The following ANKS1B variants were observed in gnomAD, a reference collection of about 807,000 sequenced individuals.
ANKS1B encodes the protein ankyrin repeat and sterile alpha motif domain-containing protein 1B.
In ANKS1B, 36 loss-of-function variants were observed where a neutral mutation model predicts 148.3. The observed-to-expected ratio is 0.24, with a 90% confidence interval of 0.19 to 0.32. The LOEUF (loss-of-function observed/expected upper bound fraction) is 0.32. Among genes scored for constraint, ANKS1B ranks in the 10% least tolerant of loss-of-function variants. The pLI, the probability that ANKS1B is intolerant of heterozygous loss-of-function variation, is 1.00. For synonymous variants in ANKS1B, 542 were observed against 560.8 expected (o/e 0.97, Z 0.47); for missense variants, 1,157 against 1,542.6 (o/e 0.75, Z 4.19).
chr12:98,775,414 C>T (rs1320544438), intron 24 of ANKS1B, among the ~76,000 whole-genome samples: 1 of 152,018 alleles, frequency 6.6e-6, no homozygotes, highest in African/African-American at 2.4e-5. Context: ...TCTTTGCTGA[C>T]CCCTGAATTT....
At chr12:99,963,633 T>G (rs1289695539) in intron 1 of ANKS1B, among the ~76,000 whole-genome samples, 1 of 152,254 alleles carries the variant, frequency 6.6e-6, no homozygotes, top group African/African-American at 2.4e-5. Flanking sequence ...AAATGTTTAC[T>G]AAAGAGCTTC....
At chr12:99,632,746 TA>T (rs2098178093) in intron 9 of ANKS1B, among the ~76,000 whole-genome samples, 11 of 107,548 alleles carry the variant, frequency 1.0e-4, no homozygotes, top group South Asian at 3.4e-4. Flanking sequence ...TATATATATA[TA>T]TATATATATA....
At chr12:99,484,260 T>C (rs146282114) in intron 10 of ANKS1B, among the ~76,000 whole-genome samples, 3 of 152,170 alleles carry the variant, frequency 2.0e-5, no homozygotes, top group African/African-American at 7.2e-5. Context: ...AGCTCAGATA[T>C]CATTGAGGAG....
chr12:99,699,688 A>G (rs926052574), intron 8 of ANKS1B, among the ~76,000 whole-genome samples: 3 of 152,230 alleles, frequency 2.0e-5, no homozygotes, highest in African/African-American at 4.8e-5. Flanking sequence ...TCAAGATTTT[A>G]TACTTCAGGA....
chr12:99,523,551 CTTTTT>C (rs71088130), intron 9 of ANKS1B, among the ~76,000 whole-genome samples: 1 of 119,640 alleles, frequency 8.4e-6, no homozygotes. Context: ...AAGGCATCTT[CTTTTT>C]TTTTTTTTTT....
intron 15 of ANKS1B, among the ~76,000 whole-genome samples, chr12:99,119,434 G>C (rs960434042): frequency 6.6e-6 from 1 of 152,050 alleles, no homozygotes; most frequent in African/African-American, 2.4e-5. Context: ...GTTTTTTTTA[G>C]CCAGCAAGTT....
At position 99,977,798 on chromosome 12, in the gene ANKS1B, G is replaced by A. The variant is rs12320482; in HGVS notation, c.134+6306C>T. ...TGAGAAAGAACTGGAAGATAGAAGC[G>A]TCTTCTTTGTAAATTCCTTTTTCAA... On this transcript the variant is annotated intron_variant, in intron 1 of 26. Coordinates refer to ENST00000683438, the MANE Select transcript of ANKS1B (RefSeq NM_001352186.2). Among the ~76,000 whole-genome samples, 422 of 152,196 alleles carry A rather than the reference G, an allele frequency of 2.8e-3. 1 individual carries two copies. Among genetic ancestry groups the A allele is most frequent in the African/African-American group, 9.7e-3 (404 of 41,534 alleles).
At chr12:99,812,611 A>G (rs2068575422) in intron 2 of ANKS1B, among the ~76,000 whole-genome samples, 1 of 151,276 alleles carries the variant, frequency 6.6e-6, no homozygotes, top group Non-Finnish European at 1.5e-5. Context: ...CTAACCAATT[A>G]AACTACTTAA....
intron 25 of ANKS1B, among the ~76,000 whole-genome samples, chr12:98,769,931 GTTTA>G (rs1361801744): frequency 6.6e-6 from 1 of 152,160 alleles, no homozygotes; most frequent in African/African-American, 2.4e-5. Flanking sequence ...CTATTTTAAT[GTTTA>G]TTTATTGCTT....
intron 17 of ANKS1B, among the ~76,000 whole-genome samples, chr12:99,037,946 G>A (rs898919903): frequency 6.6e-6 from 1 of 152,190 alleles, no homozygotes; most frequent in East Asian, 1.9e-4. Flanking sequence ...TGCCTGGTGT[G>A]TGGTGGTAGA....
chr12:99,465,572 G>A (rs1463991080), intron 10 of ANKS1B, among the ~76,000 whole-genome samples: 1 of 151,966 alleles, frequency 6.6e-6, no homozygotes, highest in African/African-American at 2.4e-5. Flanking sequence ...GACACACATA[G>A]GCTCAAAATA....
At chr12:99,836,445 T>A (rs1446266751) in intron 1 of ANKS1B, among the ~76,000 whole-genome samples, 1 of 152,156 alleles carries the variant, frequency 6.6e-6, no homozygotes, top group South Asian at 2.1e-4. Context: ...CATTTTCTGA[T>A]GAATAATGTG....
chr12:99,410,160 C>T (rs938555448), intron 11 of ANKS1B, among the ~76,000 whole-genome samples: 1 of 152,184 alleles, frequency 6.6e-6, no homozygotes, highest in Non-Finnish European at 1.5e-5. Context: ...ATTAGTAACA[C>T]ATGAAAATTG....
At chr12:99,120,171 T>C (rs749997740) in intron 15 of ANKS1B, among the ~76,000 whole-genome samples, 3 of 152,150 alleles carry the variant, frequency 2.0e-5, no homozygotes, top group Non-Finnish European at 4.4e-5. Context: ...GACTTGCCAA[T>C]TCACCTAGCA....
intron 12 of ANKS1B, among the ~76,000 whole-genome samples, chr12:99,270,956 T>G (rs1442713150): frequency 6.6e-6 from 1 of 152,202 alleles, no homozygotes; most frequent in Non-Finnish European, 1.5e-5. Context: ...AAATAAAAGT[T>G]ATAATCCATT....
Position 99,172,266 on chromosome 12 carries a change from TTGTG to T in ANKS1B, c.2420-17875_2420-17872del, listed in dbSNP as rs149522119. 5.1e-3 allele frequency among the ~76,000 whole-genome samples: 784 copies of T among 152,242 alleles called. 10 individuals carry two copies. The highest frequency in any genetic ancestry group is 0.018 in the African/African-American group (767 of 41,532). On this transcript the variant is annotated intron_variant, in intron 14 of 26. Transcript: ENST00000683438. ...AGTAGGAAACAGACAATCAAGGGAC[TTGTG>T]TGCCATGAAAAAGAGAACTCTTTTC...
At chr12:99,481,157 T>A (rs2096403975) in intron 10 of ANKS1B, among the ~76,000 whole-genome samples, 1 of 151,722 alleles carries the variant, frequency 6.6e-6, no homozygotes, top group South Asian at 2.1e-4. Context: ...ACCTAATGTG[T>A]AGTTTGTTTT....
At chr12:99,200,468 A>G (rs748865419) in intron 14 of ANKS1B, among the ~76,000 whole-genome samples, 11 of 152,210 alleles carry the variant, frequency 7.2e-5, no homozygotes, top group Non-Finnish European at 1.3e-4. Context: ...TAGTCTTTCT[A>G]AGCAGGAATG....
chr12:99,380,473 G>A (rs2093595579), intron 12 of ANKS1B, among the ~76,000 whole-genome samples: 1 of 152,070 alleles, frequency 6.6e-6, no homozygotes, highest in Admixed American at 6.5e-5. Flanking sequence ...CACATCCTGT[G>A]GCATCAAGAA....
Sources: gnomAD v4.1 joint callset for allele counts (sites outside exome capture counted in the v4.1 genomes callset) on GRCh38, gnomAD v4.1.1 for gene constraint, MANE v1.5 for transcripts, NCBI Gene and HGNC (gene_info 2026-07-23, HGNC 2026-07-21) for gene names.